Variants in CORO1C observed in about 807,000 individuals in gnomAD.
CORO1C encodes the protein coronin 1C, also known as coronin-1C.
A neutral mutation model predicts 51.2 loss-of-function variants in CORO1C; 14 were observed. The observed-to-expected ratio is 0.27, with a 90% CI of 0.18 to 0.43. The LOEUF (loss-of-function observed/expected upper bound fraction) is 0.43. Among genes scored for constraint, CORO1C ranks in the 20% least tolerant of loss-of-function variants. The pLI, the probability that CORO1C is intolerant of heterozygous loss-of-function variation, is 1.00. For synonymous variants in CORO1C, 181 were observed against 210.5 expected (o/e 0.86, Z 1.21); for missense variants, 417 against 607.8 (o/e 0.69, Z 3.30).
intron 6 of CORO1C, among the ~76,000 whole-genome samples, chr12:108,654,643 C>T (rs1459713619): frequency 1.3e-5 from 2 of 151,968 alleles, no homozygotes; most frequent in Non-Finnish European, 2.9e-5. Context: ...TGCGCGCATA[C>T]ATCAGCGTGA....
chr12:108,652,235 C>T, intron 8 of CORO1C, 37 bp downstream of exon 8: 3 of 1,598,202 alleles, frequency 1.9e-6, no homozygotes, highest in Non-Finnish European at 2.6e-6. Context: ...CACACAGTTA[C>T]ACCAACCTAG....
chr12:108,722,088 C>T (rs2035486870), intron 1 of CORO1C, among the ~76,000 whole-genome samples: 1 of 152,172 alleles, frequency 6.6e-6, no homozygotes, highest in Non-Finnish European at 1.5e-5. Flanking sequence ...GCTCAACTTT[C>T]CCCTTGAAAC....
At chr12:108,729,617 A>G (rs999935582) in intron 1 of CORO1C, among the ~76,000 whole-genome samples, 1 of 152,136 alleles carries the variant, frequency 6.6e-6, no homozygotes. Context: ...TTCCCTACTT[A>G]TTTATGCGAT....
chr12:108,695,634 G>A (rs774400829), intron 2 of CORO1C, among the ~76,000 whole-genome samples: 1 of 152,042 alleles, frequency 6.6e-6, no homozygotes, highest in African/African-American at 2.4e-5. Context: ...TGAACAGGAA[G>A]AAAAGACCAC....
chr12:108,726,561 G>GC (rs796340283), intron 1 of CORO1C, among the ~76,000 whole-genome samples: 8 of 151,638 alleles, frequency 5.3e-5, no homozygotes, highest in African/African-American at 1.9e-4. Context: ...TATAATCCTA[G>GC]CACTTTCGGA....
chr12:108,723,217 G>A (rs1055219965), intron 1 of CORO1C, among the ~76,000 whole-genome samples: 1 of 152,156 alleles, frequency 6.6e-6, no homozygotes, highest in African/African-American at 2.4e-5. Flanking sequence ...AGAGATGACA[G>A]CGCACTTTCA....
chr12:108,726,505 G>A lies in CORO1C; in HGVS notation c.-6+4924C>T, dbSNP rs546547419. ...TTGAGTCAGACACCCCAAGAGAGGA[G>A]AGCATGAACAAAAGAATGAAGAGGC... On this transcript the variant is annotated intron_variant, in intron 1 of 10. Transcript: ENST00000261401. 2.0e-5 allele frequency among the ~76,000 whole-genome samples: 3 copies of A among 151,790 alleles called. No individual in the cohort carries two copies. In the South Asian group the frequency reaches 6.3e-4, roughly 32 times the overall value.
chr12:108,675,394 A>G (rs1390561212), intron 3 of CORO1C, among the ~76,000 whole-genome samples: 3 of 152,312 alleles, frequency 2.0e-5, no homozygotes, highest in Admixed American at 6.5e-5. Context: ...AGAGGTTTCA[A>G]TGGGAAAAGG....
intron 1 of CORO1C, among the ~76,000 whole-genome samples, chr12:108,711,930 A>C (rs1361363337): frequency 6.6e-6 from 1 of 152,202 alleles, no homozygotes; most frequent in Non-Finnish European, 1.5e-5. Flanking sequence ...TCTATGGTTC[A>C]TATGAAAGGA....
intron 4 of CORO1C, among the ~76,000 whole-genome samples, chr12:108,661,532 A>G (rs1565906188): frequency 6.6e-6 from 1 of 151,490 alleles, no homozygotes; most frequent in Non-Finnish European, 1.5e-5. Context: ...ATTAAAAGTG[A>G]TTTTTTTTTC....
rs1412310246 is a variant in CORO1C, at chr12:108,686,627, A to G, written c.196-8233T>C. On this transcript the variant is annotated intron_variant, in intron 2 of 10. Coordinates refer to ENST00000261401, the MANE Select transcript of CORO1C (RefSeq NM_014325.4). ...ATTCATTGATTACTTACTAGTCCCA[A>G]TCACATGCCATAGGATAGCTTTTGT... is the stretch of plus-strand genomic sequence containing the variant. Among the ~76,000 whole-genome samples the G allele has an allele frequency of 2.6e-5, 4 of 152,208 alleles. No individual in the cohort carries two copies. The East Asian group carries it at 7.7e-4, about 29-fold the overall frequency.
At chr12:108,659,748 G>C (rs2033178038) in intron 4 of CORO1C, among the ~76,000 whole-genome samples, 1 of 152,176 alleles carries the variant, frequency 6.6e-6, no homozygotes, top group African/African-American at 2.4e-5. Context: ...ATTAAAGATG[G>C]TACAACAGTG....
intron 1 of CORO1C, among the ~76,000 whole-genome samples, chr12:108,728,878 A>C (rs55721100): frequency 0.057 from 8,686 of 152,298 alleles, 514 homozygotes; most frequent in East Asian, 0.32. Flanking sequence ...ACAGTAACAC[A>C]GAGAAGTCAT....
chr12:108,654,180 T>G, intron 7 of CORO1C, 126 bp downstream of exon 7: 1 of 666,074 alleles, frequency 1.5e-6, no homozygotes, highest in South Asian at 1.9e-5. Flanking sequence ...TGTCCTTGGC[T>G]TATAACATAC....
intron 1 of CORO1C, among the ~76,000 whole-genome samples, chr12:108,704,403 C>A (rs1490831902): frequency 1.3e-5 from 2 of 151,264 alleles, no homozygotes; most frequent in African/African-American, 2.4e-5. Context: ...ACCTGGTAGG[C>A]GGAGGCTTCA....
At chr12:108,657,548 C>T (rs2033081128) in intron 5 of CORO1C, 125 bp from the exon 6 acceptor site, 3 of 917,276 alleles carry the variant, frequency 3.3e-6, no homozygotes, top group Non-Finnish European at 5.0e-6. Flanking sequence ...GGAGGGAGGT[C>T]AGTGTTAACC....
intron 2 of CORO1C, among the ~76,000 whole-genome samples, chr12:108,691,631 A>G (rs1019754196): frequency 6.6e-6 from 1 of 152,174 alleles, no homozygotes; most frequent in African/African-American, 2.4e-5. Flanking sequence ...CCATTCTCTG[A>G]GCCACCCGTG....
rs1555214220 is a variant in CORO1C, at chr12:108,650,206, T to TG, written c.1002-1187dup. Among the ~76,000 whole-genome samples, 29 of 142,338 alleles carry TG rather than the reference T, an allele frequency of 2.0e-4. 1 individual carries two copies. The highest frequency in any genetic ancestry group is 1.9e-3 in the Admixed American group (27 of 14,436). The allele number at this position is 142,338 out of a possible 152,430, so 93.4% of individuals were successfully genotyped here. A position where few individuals can be genotyped will look rare whatever the true frequency, so the allele number is the denominator to read the frequency against. On this transcript the variant is annotated intron_variant, in intron 8 of 10. Coordinates refer to ENST00000261401, the MANE Select transcript of CORO1C (RefSeq NM_014325.4). Reference sequence around the variant, plus strand: ...TTTTTTTTTTTTTTTTTTTTTTTTTTGGGACTGGGTCTTGCTCCATCGCCC... The same window carrying TG: ...TTTTTTTTTTTTTTTTTTTTTTTTTTGGGGACTGGGTCTTGCTCCATCGCCC...
chr12:108,648,414 C>T (rs892097416), intron 10 of CORO1C, among the ~76,000 whole-genome samples, 191 bp downstream of exon 10: 1 of 152,086 alleles, frequency 6.6e-6, no homozygotes, highest in East Asian at 1.9e-4. Context: ...GCTTTAACTC[C>T]GTTAAAGGAG....
Sources: allele counts gnomAD v4.1 joint callset (sites outside exome capture counted in the v4.1 genomes callset), GRCh38; gene constraint gnomAD v4.1.1; transcripts MANE v1.5; gene names NCBI Gene and HGNC (gene_info 2026-07-23, HGNC 2026-07-21).